Variants in PRKCE observed in about 807,000 individuals in gnomAD.
PRKCE encodes the protein protein kinase C epsilon type.
In PRKCE, 16 loss-of-function variants were observed where a neutral mutation model predicts 85.4. That is an observed-to-expected ratio of 0.19 (90% CI 0.13 to 0.28). The LOEUF is 0.28. PRKCE is among the 10% of genes least tolerant of loss of function. PRKCE has a pLI of 1.00. For missense variants in PRKCE, 573 were observed against 975.2 expected (o/e 0.59, Z 5.49); for synonymous variants, 388 against 371.5 (o/e 1.04, Z -0.51).
chr2:46,140,820 G>A (rs192361509), intron 11 of PRKCE, among the ~76,000 whole-genome samples: 2 of 151,962 alleles, frequency 1.3e-5, no homozygotes, highest in Admixed American at 1.3e-4. Flanking sequence ...TATAGAATGA[G>A]CTCCTAAAAA....
At chr2:46,094,383 C>T (rs780657163) in intron 11 of PRKCE, among the ~76,000 whole-genome samples, 3 of 152,152 alleles carry the variant, frequency 2.0e-5, no homozygotes, top group Non-Finnish European at 4.4e-5. Context: ...TATCTAAAAT[C>T]ATCTTTATTT....
At chr2:45,923,349 G>T (rs537431970) in intron 2 of PRKCE, among the ~76,000 whole-genome samples, 8 of 152,222 alleles carry the variant, frequency 5.3e-5, no homozygotes, top group Non-Finnish European at 2.9e-5. Context: ...GCTAACAAGC[G>T]TTTGTGTGCC....
At chr2:45,868,338 A>C (rs942946871) in intron 2 of PRKCE, among the ~76,000 whole-genome samples, 1 of 149,622 alleles carries the variant, frequency 6.7e-6, no homozygotes, top group Non-Finnish European at 1.5e-5. Flanking sequence ...AAAAAAAAAA[A>C]AAAACTTTTT....
intron 1 of PRKCE, among the ~76,000 whole-genome samples, chr2:45,732,817 G>A (rs1242623186): frequency 6.6e-6 from 1 of 152,156 alleles, no homozygotes; most frequent in African/African-American, 2.4e-5. Context: ...ACAAAAAACC[G>A]ACATGAGTGA....
intron 1 of PRKCE, among the ~76,000 whole-genome samples, chr2:45,746,065 A>G (rs1374268007): frequency 6.6e-6 from 1 of 152,148 alleles, no homozygotes; most frequent in Non-Finnish European, 1.5e-5. Context: ...TTAGGCAGCA[A>G]TCCTAAGTAT....
intron 10 of PRKCE, among the ~76,000 whole-genome samples, chr2:46,066,450 C>T (rs1323419030): frequency 6.6e-6 from 1 of 152,120 alleles, no homozygotes; most frequent in Non-Finnish European, 1.5e-5. Flanking sequence ...TTTTGATTTT[C>T]CCATCTCCAG....
chr2:46,178,187 G>A (rs4952807), intron 14 of PRKCE, among the ~76,000 whole-genome samples: 1 of 152,026 alleles, frequency 6.6e-6, no homozygotes, highest in Non-Finnish European at 1.5e-5. Context: ...TTGAACCCGG[G>A]AGGCGGAGGT....
intron 4 of PRKCE, among the ~76,000 whole-genome samples, chr2:45,979,626 G>A (rs957628223): frequency 2.0e-5 from 3 of 152,202 alleles, no homozygotes; most frequent in Non-Finnish European, 4.4e-5. Context: ...GGTTAGAGCA[G>A]GGAGGTTTTC....
In PRKCE at chr2:45,652,022, G is replaced by C. The variant is rs983363042; in HGVS notation, c.-79G>C. ...GGGGACCCAAGAGTCCCTGTGGCTC[G>C]GAGTGCCGGGCCGTCGGTTCTTCAT... On this transcript the variant is annotated 5_prime_UTR_variant, in exon 1 of 15. Transcript: ENST00000306156. This position sits in a 1 kb window ranked among gnomAD's most constrained non-coding sequence, Gnocchi z 7.7. The C allele has an allele frequency of 3.8e-5, 43 of 1,142,316 alleles. No individual in the cohort carries two copies. The Admixed American group carries it at 4.6e-4, about 12-fold the overall frequency. 70.8% of individuals were successfully genotyped at this position (1,142,316 alleles called of 1,614,324 possible). A position where few individuals can be genotyped will look rare whatever the true frequency, so the allele number is the denominator to read the frequency against.
intron 1 of PRKCE, among the ~76,000 whole-genome samples, chr2:45,702,022 C>T (rs927333164): frequency 5.9e-5 from 9 of 152,042 alleles, no homozygotes; most frequent in African/African-American, 2.2e-4. Flanking sequence ...AACCTCTTCT[C>T]TACTCAAAAT....
chr2:45,908,451 C>A (rs901538011), intron 2 of PRKCE, among the ~76,000 whole-genome samples: 1 of 152,170 alleles, frequency 6.6e-6, no homozygotes, highest in African/African-American at 2.4e-5. Context: ...CTCTCTCTCG[C>A]CCATTGGACA....
intron 2 of PRKCE, among the ~76,000 whole-genome samples, chr2:45,875,870 C>A (rs1694438118): frequency 6.6e-6 from 1 of 152,222 alleles, no homozygotes; most frequent in Non-Finnish European, 1.5e-5. Context: ...AGGTTCTGAG[C>A]ACTTTTCCTA....
At chr2:46,151,379 C>A in intron 13 of PRKCE, 150 bp downstream of exon 13, 1 of 864,280 alleles carries the variant, frequency 1.2e-6, no homozygotes, top group Non-Finnish European at 1.7e-6. Flanking sequence ...CTCATCACCA[C>A]GGAATGGGAA....
intron 2 of PRKCE, among the ~76,000 whole-genome samples, chr2:45,957,367 A>C (rs1701041637): frequency 6.6e-6 from 1 of 152,256 alleles, no homozygotes. Flanking sequence ...TTGTTGAAAG[A>C]CTGCCATTTC....
intron 1 of PRKCE, among the ~76,000 whole-genome samples, chr2:45,736,581 C>A (rs988909152): frequency 6.6e-6 from 1 of 152,218 alleles, no homozygotes; most frequent in East Asian, 1.9e-4. Context: ...GCTCTGACTT[C>A]CTGACACTGC....
intron 2 of PRKCE, among the ~76,000 whole-genome samples, chr2:45,868,929 G>A (rs187567742): frequency 2.7e-5 from 4 of 148,456 alleles, no homozygotes; most frequent in African/African-American, 9.9e-5. Context: ...CTGCACTCCA[G>A]CCTGAGTGAC....
intron 2 of PRKCE, among the ~76,000 whole-genome samples, chr2:45,920,636 C>A (rs1304708391): frequency 6.6e-6 from 1 of 152,126 alleles, no homozygotes; most frequent in Non-Finnish European, 1.5e-5. Context: ...ATTCAAAAGA[C>A]CACATATTGT....
intron 2 of PRKCE, among the ~76,000 whole-genome samples, chr2:45,866,621 G>A (rs10189339): frequency 0.66 from 99,838 of 152,150 alleles, 33,551 homozygotes; most frequent in East Asian, 0.92. Context: ...ATTTTCTTCA[G>A]ACTAACAATG....
At chr2:45,785,828 G>A (rs1686558994) in intron 1 of PRKCE, among the ~76,000 whole-genome samples, 1 of 152,194 alleles carries the variant, frequency 6.6e-6, no homozygotes, top group Admixed American at 6.5e-5. Context: ...ACAGATGGGA[G>A]TGCTCCTATG....
Sources: gnomAD v4.1 joint callset for allele counts (sites outside exome capture counted in the v4.1 genomes callset) on GRCh38, gnomAD v4.1.1 for gene constraint, Gnocchi (gnomAD v3.1) non-coding constraint, MANE v1.5 for transcripts, NCBI Gene and HGNC (gene_info 2026-07-23, HGNC 2026-07-21) for gene names.